PDE3B: variants seen among roughly 807,000 people sequenced by gnomAD.
PDE3B encodes the protein cGMP-inhibited 3',5'-cyclic phosphodiesterase 3B.
A neutral mutation model predicts 116.8 loss-of-function variants in PDE3B; 66 were observed. The observed-to-expected ratio is 0.56, with a 90% CI of 0.46 to 0.69. The LOEUF (loss-of-function observed/expected upper bound fraction) is 0.69. PDE3B is among the 30% of genes least tolerant of loss of function. The probability of loss-of-function intolerance (pLI) is 0.00; values close to 1 mark genes in which losing one functional copy is unlikely to be tolerated. For synonymous variants in PDE3B, 595 were observed against 533.6 expected (o/e 1.12, Z -1.59); for missense variants, 1,384 against 1,368.1 (o/e 1.01, Z -0.18).
At chr11:14,694,546 A>G (rs371647375) in intron 1 of PDE3B, among the ~76,000 whole-genome samples, 7 of 152,306 alleles carry the variant, frequency 4.6e-5, no homozygotes, top group African/African-American at 1.7e-4. Flanking sequence ...ATTTTTTAGC[A>G]ATAGAGTATT....
chr11:14,759,118 C>G (rs1481343128), intron 1 of PDE3B, among the ~76,000 whole-genome samples: 1 of 152,070 alleles, frequency 6.6e-6, no homozygotes. Context: ...GGGATGAAGC[C>G]CACTTGATCA....
chr11:14,786,175 T>TC (rs1554993939), intron 2 of PDE3B, among the ~76,000 whole-genome samples: 2 of 151,760 alleles, frequency 1.3e-5, no homozygotes, highest in African/African-American at 4.8e-5. Context: ...GGAAAGGAAA[T>TC]AATGAATTAA....
chr11:14,763,335 T>C (rs1253876592), intron 1 of PDE3B, among the ~76,000 whole-genome samples: 1 of 152,012 alleles, frequency 6.6e-6, no homozygotes, highest in East Asian at 1.9e-4. Flanking sequence ...AGAGACCTCA[T>C]CAAGAACAGA....
intron 1 of PDE3B, among the ~76,000 whole-genome samples, chr11:14,750,080 A>C (rs912005546): frequency 4.0e-5 from 6 of 151,082 alleles, no homozygotes; most frequent in Non-Finnish European, 7.4e-5. Flanking sequence ...GTTGTAGCTC[A>C]AGCTGTCAGG....
chr11:14,762,562 G>C (rs1226466742), intron 1 of PDE3B, among the ~76,000 whole-genome samples: 1 of 152,154 alleles, frequency 6.6e-6, no homozygotes, highest in Non-Finnish European at 1.5e-5. Flanking sequence ...AGGTTGAGAT[G>C]AGAAGTCACT....
At position 14,867,572 on chromosome 11, in the gene PDE3B, G is replaced by C. The variant is rs1555008271; in HGVS notation, c.2953G>C (p.Ala985Pro). The C allele has an allele frequency of 6.2e-7, 1 of 1,613,948 alleles. No homozygotes were observed. The highest frequency in any genetic ancestry group is 8.5e-7 in the Non-Finnish European group (1 of 1,179,900). ...PFMDRSSPQLAKLQESFITHI... is the reference protein window; with the variant it reads ...PFMDRSSPQLPKLQESFITHI... ...CATGGATCGTTCTTCTCCTCAACTA[G>C]CAAAACTCCAAGAATCTTTTATCAC... Residue 985 changes from alanine (A) to proline (P), a missense_variant, in exon 15 of 16, where the codon GCA (alanine) becomes CCA (proline). This residue lies in a region of PDE3B where 428 missense variants were observed against 561.4 expected (regional missense o/e 0.76). Coordinates refer to ENST00000282096, the MANE Select transcript of PDE3B (RefSeq NM_000922.4).
chr11:14,814,042 A>T (rs564924563), intron 5 of PDE3B, among the ~76,000 whole-genome samples: 1 of 152,206 alleles, frequency 6.6e-6, no homozygotes, highest in Non-Finnish European at 1.5e-5. Flanking sequence ...AAAGCTTTTC[A>T]TGTATGTTCA....
intron 12 of PDE3B, among the ~76,000 whole-genome samples, chr11:14,854,581 G>A (rs1008077332): frequency 3.3e-5 from 5 of 151,344 alleles, no homozygotes; most frequent in Non-Finnish European, 5.9e-5. Context: ...GCAGTGGCAC[G>A]ATCTTGGCTC....
chr11:14,849,038 A>T (rs892652448), intron 12 of PDE3B, among the ~76,000 whole-genome samples: 4 of 152,002 alleles, frequency 2.6e-5, no homozygotes, highest in African/African-American at 9.7e-5. Context: ...AGTCAATCCT[A>T]AGCCAAAAGA....
intron 1 of PDE3B, among the ~76,000 whole-genome samples, chr11:14,658,813 A>T (rs1459548014): frequency 6.6e-6 from 1 of 152,106 alleles, no homozygotes; most frequent in Non-Finnish European, 1.5e-5. Flanking sequence ...TCTCTATCAT[A>T]TTTGGGTTGA....
chr11:14,666,833 G>T (rs1437411018), intron 1 of PDE3B, among the ~76,000 whole-genome samples: 8 of 152,204 alleles, frequency 5.3e-5, no homozygotes, highest in Non-Finnish European at 1.2e-4. Context: ...TACACTGTTG[G>T]TGGGACTGTA....
chr11:14,726,323 C>G (rs1178481899), intron 1 of PDE3B, among the ~76,000 whole-genome samples: 1 of 151,990 alleles, frequency 6.6e-6, no homozygotes, highest in Non-Finnish European at 1.5e-5. Context: ...ATGCAAAGAC[C>G]TTGTCTGTCT....
chr11:14,789,883 C>T (rs912198167), intron 4 of PDE3B, among the ~76,000 whole-genome samples: 4 of 152,084 alleles, frequency 2.6e-5, no homozygotes, highest in South Asian at 2.1e-4. Context: ...TTTAATAATA[C>T]AGTACTTTGT....
chr11:14,764,101 C>T (rs894149440), intron 1 of PDE3B, among the ~76,000 whole-genome samples: 1 of 152,080 alleles, frequency 6.6e-6, no homozygotes, highest in Non-Finnish European at 1.5e-5. Flanking sequence ...TCACCTGGGG[C>T]TGAAGAGGCA....
the PDE3B span, chr11:14,880,715 C>G: frequency 3.7e-6 from 6 of 1,600,800 alleles, no homozygotes; most frequent in South Asian, 1.1e-5. Context: ...AAACTGTTTA[C>G]AGCTAATCGT....
chr11:14,830,810 G>C lies in PDE3B; in HGVS notation c.1920G>C (p.Trp640Cys). The C allele has an allele frequency of 2.0e-6, 3 of 1,530,674 alleles. No homozygotes were observed. The highest frequency in any genetic ancestry group is 2.6e-6 in the Non-Finnish European group (3 of 1,144,594). 94.8% of individuals were successfully genotyped at this position (1,530,674 alleles called of 1,614,324 possible). Reference sequence around the variant, plus strand: ...AATTATTTCAGGAAGGTGATAAGTGGCTAACAGAAGAGGCACAGAGTGAAC... The same window carrying C: ...AATTATTTCAGGAAGGTGATAAGTGCCTAACAGAAGAGGCACAGAGTGAAC... ...SRKLFQEGDK[W>C]LTEEAQSEQQ... The change falls in exon 8 of 16, where the codon TGG (tryptophan) becomes TGC (cysteine). Residue 640 changes from tryptophan to cysteine, a missense_variant. Physicochemically the swap from Trp to Cys is radical, Grantham distance 215. Transcript: ENST00000282096.
chr11:14,678,302 A>G (rs1475661527), intron 1 of PDE3B, among the ~76,000 whole-genome samples: 6 of 152,094 alleles, frequency 3.9e-5, no homozygotes, highest in East Asian at 1.9e-4. Context: ...TGCTGTAAAC[A>G]TTCACGTACA....
intron 1 of PDE3B, among the ~76,000 whole-genome samples, chr11:14,690,616 CTTT>C (rs111280188): frequency 1.5e-5 from 2 of 134,236 alleles, no homozygotes; most frequent in Non-Finnish European, 3.3e-5. Context: ...ATTTTGCTTC[CTTT>C]TTTTTTTTTT....
chr11:14,691,934 A>T (rs1161876349), intron 1 of PDE3B, among the ~76,000 whole-genome samples: 1 of 152,128 alleles, frequency 6.6e-6, no homozygotes, highest in East Asian at 1.9e-4. Context: ...TAGGAGCAAC[A>T]TCTGCTTACC....
Sources: allele counts gnomAD v4.1 joint callset (sites outside exome capture counted in the v4.1 genomes callset), GRCh38; gene constraint gnomAD v4.1.1; regional missense constraint gnomAD v4.1.1; transcripts MANE v1.5; gene names NCBI Gene and HGNC (gene_info 2026-07-23, HGNC 2026-07-21).